ZNF124: variants seen among roughly 807,000 people sequenced by gnomAD.
The protein encoded by ZNF124 is zinc finger protein HZF-16.
In ZNF124, 25 loss-of-function variants were observed where a neutral mutation model predicts 26.6. That is an observed-to-expected ratio of 0.94 (90% CI 0.68 to 1.31). ZNF124 has a LOEUF of 1.31. ZNF124 is among the 40% of genes most tolerant of loss of function. The pLI is 0.00. For missense variants in ZNF124, 444 were observed against 422.2 expected (o/e 1.05, Z -0.45); for synonymous variants, 129 against 133.3 (o/e 0.97, Z 0.22).
intron 3 of ZNF124, among the ~76,000 whole-genome samples, chr1:247,131,662 G>A (rs1031516332): frequency 6.6e-6 from 1 of 152,190 alleles, no homozygotes; most frequent in East Asian, 1.9e-4. Context: ...TACACCGGCT[G>A]TGGCAGTTTG....
At chr1:247,135,344 TAAAGGGAGTTATC>T (rs1455019132) in intron 3 of ZNF124, among the ~76,000 whole-genome samples, 1 of 152,022 alleles carries the variant, frequency 6.6e-6, no homozygotes, top group Non-Finnish European at 1.5e-5. Context: ...TAAAAAATGA[TAAAGGGAGTTATC>T]ACCACTGACC....
At chr1:247,157,471 C>T (rs1558386542) in intron 3 of ZNF124, 68 bp from the exon 4 acceptor site, 1 of 1,474,768 alleles carries the variant, frequency 6.8e-7, no homozygotes, top group Non-Finnish European at 9.3e-7. Flanking sequence ...TTTACTCTAG[C>T]AGGAATTTTT....
At chr1:247,135,757 G>A (rs1421252058) in intron 3 of ZNF124, among the ~76,000 whole-genome samples, 2 of 152,302 alleles carry the variant, frequency 1.3e-5, no homozygotes, top group Non-Finnish European at 2.9e-5. Context: ...TAACCCTGAT[G>A]AACGTCAATG....
At chr1:247,131,674 A>G (rs763200131) in intron 3 of ZNF124, among the ~76,000 whole-genome samples, 1 of 152,196 alleles carries the variant, frequency 6.6e-6, no homozygotes, top group African/African-American at 2.4e-5. Flanking sequence ...GGCAGTTTGC[A>G]GCCAGAGTGC....
chr1:247,136,369 AAATCATG>A (rs1392678627), intron 3 of ZNF124, among the ~76,000 whole-genome samples: 1 of 152,082 alleles, frequency 6.6e-6, no homozygotes, highest in African/African-American at 2.4e-5. Context: ...GCAGAGAGTC[AAATCATG>A]AATGAACTCC....
rs1673934861 is a variant in ZNF124, at chr1:247,168,915, G to T, written c.30+2933C>A. Among the ~76,000 whole-genome samples the T allele has an allele frequency of 6.6e-6, 1 of 151,862 alleles. No homozygotes were observed. Among genetic ancestry groups the T allele is most frequent in the Non-Finnish European group, 1.5e-5 (1 of 67,996 alleles). ...ACAGCGTACACTGATAAGGTGACAG[G>T]ACCAAAATCTCAGCAATCACCACTA... On this transcript the variant is annotated intron_variant, in intron 1 of 3. Coordinates refer to ENST00000543802, the MANE Select transcript of ZNF124 (RefSeq NM_001297568.2). This position sits in a 1 kb window ranked among gnomAD's most constrained non-coding sequence, Gnocchi z 4.0.
intron 1 of ZNF124, among the ~76,000 whole-genome samples, chr1:247,166,738 TCA>T (rs1469441387): frequency 3.9e-5 from 6 of 152,196 alleles, no homozygotes; most frequent in Admixed American, 6.5e-5. Context: ...CTAAACAGAC[TCA>T]CAGTTATATG....
intron 3 of ZNF124, among the ~76,000 whole-genome samples, chr1:247,135,116 A>G (rs1310856776): frequency 2.0e-5 from 3 of 152,104 alleles, no homozygotes; most frequent in African/African-American, 7.2e-5. Flanking sequence ...AGGAAAAATC[A>G]TAGTACTAAA....
chr1:247,157,378 T>C lies in ZNF124; in HGVS notation c.244A>G (p.Asn82Asp). The C allele has an allele frequency of 1.3e-6, 2 of 1,552,888 alleles. No individual in the cohort carries two copies. Among genetic ancestry groups the C allele is most frequent in the Middle Eastern group, 1.7e-4 (1 of 5,998 alleles). ...CCGCATTCCTCACACCCATATGGGTTGTTTCCAGAATGAGATATGATGTGC... is the reference window on the plus strand; with the variant it reads ...CCGCATTCCTCACACCCATATGGGTCGTTTCCAGAATGAGATATGATGTGC... ...LRHIISHSGNNPYGCEECGKK... is the reference protein window; with the variant it reads ...LRHIISHSGNDPYGCEECGKK... Residue 82 changes from asparagine to aspartate, a missense_variant, in exon 4 of 4, where the codon AAC (asparagine) becomes GAC (aspartate). Transcript: ENST00000543802.
At chr1:247,138,806 T>G (rs1672553650) in intron 3 of ZNF124, 5 of 398,406 alleles carry the variant, frequency 1.3e-5, no homozygotes, top group African/African-American at 2.1e-5. Flanking sequence ...AAGCTGAGTG[T>G]GAACATGATT....
Position 247,156,150 on chromosome 1 carries a change from C to G in ZNF124, c.*416G>C. ...TTTTCTGTATTTCTAGGATTTCAATCTGGTGGGCATTCTTTTATTTATAAG... is the reference window on the plus strand; with the variant it reads ...TTTTCTGTATTTCTAGGATTTCAATGTGGTGGGCATTCTTTTATTTATAAG... On this transcript the variant is annotated 3_prime_UTR_variant, in exon 4 of 4. Transcript: ENST00000543802. The G allele has an allele frequency of 1.0e-6, 1 of 989,322 alleles. No homozygotes were observed. Among genetic ancestry groups the G allele is most frequent in the Non-Finnish European group, 1.2e-6 (1 of 832,782 alleles). The allele number at this position is 989,322 out of a possible 1,614,324, so 61.3% of individuals were successfully genotyped here. A position where few individuals can be genotyped will look rare whatever the true frequency, so the allele number is the denominator to read the frequency against.
chr1:247,156,541 A>C lies in ZNF124; in HGVS notation c.*25T>G. ...AAGTATGTGACTGTTCATGTTTTTG[A>C]CAAAAACTGTAGTGATTAAAGCCTT... On this transcript the variant is annotated 3_prime_UTR_variant, in exon 4 of 4. Coordinates refer to ENST00000543802, the MANE Select transcript of ZNF124 (RefSeq NM_001297568.2). The C allele has an allele frequency of 6.7e-7, 1 of 1,501,720 alleles. No individual in the cohort carries two copies. The highest frequency in any genetic ancestry group is 8.9e-7 in the Non-Finnish European group (1 of 1,128,592). The allele number at this position is 1,501,720 out of a possible 1,614,324, so 93.0% of individuals were successfully genotyped here.
At position 247,138,347 on chromosome 1, in the gene ZNF124, C is replaced by T. The variant is rs1672537933; in HGVS notation, c.219-14476G>A. On this transcript the variant is annotated intron_variant, in intron 3 of 3. Coordinates refer to the ZNF124 transcript ENST00000472531. Reference sequence around the variant, plus strand: ...GGACATGGATGAAGCTGGAAGTCATCATCCTCAGCAAACACAGGAACAGAA... The same window carrying T: ...GGACATGGATGAAGCTGGAAGTCATTATCCTCAGCAAACACAGGAACAGAA... The T allele has an allele frequency of 1.9e-5, 3 of 160,066 alleles. No homozygotes were observed. In the South Asian group the frequency reaches 6.1e-4, roughly 33 times the overall value. The allele number at this position is 160,066 out of a possible 1,614,324, so 9.9% of individuals were successfully genotyped here.
chr1:247,134,115 G>C (rs1175649529), intron 3 of ZNF124, among the ~76,000 whole-genome samples: 1 of 151,966 alleles, frequency 6.6e-6, no homozygotes, highest in Non-Finnish European at 1.5e-5. Context: ...CACTAAATAC[G>C]GAAAGAAAAA....
intron 1 of ZNF124, among the ~76,000 whole-genome samples, chr1:247,170,810 A>C (rs1034291247): frequency 7.2e-6 from 1 of 138,300 alleles, no homozygotes; most frequent in African/African-American, 3.1e-5. Flanking sequence ...GCTTTTCCAT[A>C]CAATGTCTGG....
At chr1:247,163,996 T>G (rs1673640429) in intron 1 of ZNF124, among the ~76,000 whole-genome samples, 1 of 152,004 alleles carries the variant, frequency 6.6e-6, no homozygotes, top group African/African-American at 2.4e-5. Context: ...TATATACAAG[T>G]CAATAAATGT....
chr1:247,153,799 G>T (rs1224596742), downstream of ZNF124, among the ~76,000 whole-genome samples: 1 of 140,284 alleles, frequency 7.1e-6, no homozygotes, highest in African/African-American at 2.6e-5. Flanking sequence ...GTGGTCACAG[G>T]ATTATATCTT....
rs550371075 is a variant in ZNF124 at position 247,132,825 on chromosome 1, T to C, written c.219-8954A>G. Among the ~76,000 whole-genome samples, 3 of 152,144 alleles carry C rather than the reference T, an allele frequency of 2.0e-5. No homozygotes were observed. In the East Asian group the frequency reaches 5.8e-4, roughly 29 times the overall value. On this transcript the variant is annotated intron_variant, in intron 3 of 3. Transcript: ENST00000472531. ...CAGCCCCCAGTCACATACCCCCTGC[T>C]TGCTCAATCAATCACGACCTTCTCA... is the stretch of plus-strand genomic sequence containing the variant.
At chr1:247,131,016 C>T (rs1469637775) in intron 3 of ZNF124, among the ~76,000 whole-genome samples, 1 of 152,174 alleles carries the variant, frequency 6.6e-6, no homozygotes, top group East Asian at 1.9e-4. Flanking sequence ...GTGGAGATTG[C>T]AGTGAGCTGA....
Sources: allele counts gnomAD v4.1 joint callset (sites outside exome capture counted in the v4.1 genomes callset), GRCh38; gene constraint gnomAD v4.1.1; non-coding constraint Gnocchi (gnomAD v3.1); transcripts MANE v1.5; gene names NCBI Gene and HGNC (gene_info 2026-07-23, HGNC 2026-07-21).